The following TMTC2 variants were observed in gnomAD, a reference collection of about 807,000 sequenced individuals.
TMTC2 encodes transmembrane O-mannosyltransferase targeting cadherins 2.
In TMTC2, 43 loss-of-function variants were observed where a neutral mutation model predicts 82.4. The ratio of observed to expected loss-of-function variants is 0.52; its 90% CI spans 0.41 to 0.67. The LOEUF (loss-of-function observed/expected upper bound fraction) is 0.67, where lower values mean the gene tolerates loss of function less well. TMTC2 is among the 30% of genes least tolerant of loss of function. The pLI, the probability that TMTC2 is intolerant of heterozygous loss-of-function variation, is 0.00. For missense variants in TMTC2, 919 were observed against 1,012.4 expected, an observed-to-expected ratio of 0.91 and a Z score of 1.25; for synonymous variants, 408 against 381.9, an observed-to-expected ratio of 1.07 and a Z score of -0.80.
intron 9 of TMTC2, among the ~76,000 whole-genome samples, chr12:83,039,968 G>A (rs900471161): frequency 6.6e-6 from 1 of 152,212 alleles, no homozygotes; most frequent in Non-Finnish European, 1.5e-5. Flanking sequence ...AAAATAAAGA[G>A]CTTGGCATCA....
At chr12:82,821,894 A>T (rs900589537) in intron 1 of TMTC2, among the ~76,000 whole-genome samples, 2 of 151,792 alleles carry the variant, frequency 1.3e-5, no homozygotes, top group African/African-American at 2.4e-5. Context: ...GTCTCAAAAA[A>T]AAAAAAAAAA....
At chr12:83,115,651 T>A (rs867957808) in intron 11 of TMTC2, among the ~76,000 whole-genome samples, 31 of 151,972 alleles carry the variant, frequency 2.0e-4, no homozygotes, top group African/African-American at 7.0e-4. Flanking sequence ...TTTATTATTT[T>A]TTTTTTTATT....
intron 8 of TMTC2, among the ~76,000 whole-genome samples, chr12:83,017,350 T>C (rs1380830745): frequency 2.6e-5 from 4 of 152,132 alleles, no homozygotes; most frequent in Non-Finnish European, 4.4e-5. Context: ...TATAAATACA[T>C]TGAAACAGTG....
intron 1 of TMTC2, among the ~76,000 whole-genome samples, chr12:82,794,878 G>A (rs571463878): frequency 6.6e-6 from 1 of 152,254 alleles, no homozygotes; most frequent in South Asian, 2.1e-4. Flanking sequence ...TCTCTGCCTT[G>A]TAATAACCAC....
intron 2 of TMTC2, among the ~76,000 whole-genome samples, chr12:82,859,890 C>G (rs1172579229): frequency 1.3e-5 from 2 of 152,150 alleles, no homozygotes; most frequent in East Asian, 1.9e-4. Flanking sequence ...GCTATTCTAT[C>G]GTAGCTCTTT....
rs770512871 is a variant in TMTC2 at position 83,050,980 on chromosome 12, A to G, written c.2229A>G (p.Thr743=). Residue 743 remains threonine, a synonymous_variant, in exon 10 of 12, where the codon ACA becomes ACG. Coordinates refer to ENST00000321196, the MANE Select transcript of TMTC2 (RefSeq NM_152588.3). ...AAAAAGCAGCTGAACTAGACAGCAC[A>G]GAGTTTGATGTTGTCTTCAATGCTG... is the stretch of plus-strand genomic sequence containing the variant. ...MAKKAAELDS[T]EFDVVFNAAH... is the part of the protein sequence containing the mutation. The G allele has an allele frequency of 1.2e-5, 19 of 1,612,714 alleles. No individual in the cohort carries two copies. Among genetic ancestry groups the G allele is most frequent in the Admixed American group, 1.0e-4 (6 of 59,896 alleles).
In TMTC2 at chr12:82,773,620, C is replaced by T. The variant is rs531368602; in HGVS notation, c.84-83390C>T. Among the ~76,000 whole-genome samples, 18 of 152,022 alleles carry T rather than the reference C, an allele frequency of 1.2e-4. 2 individuals carry two copies. The South Asian group carries it at 3.7e-3, about 32-fold the overall frequency. Reference sequence around the variant, plus strand: ...GGATTACAGGCGTGTGCCACCAGGCCCAGCTAGTTGTTGTATTTTTAGTAG... The same window carrying T: ...GGATTACAGGCGTGTGCCACCAGGCTCAGCTAGTTGTTGTATTTTTAGTAG... On this transcript the variant is annotated intron_variant, in intron 1 of 11. Transcript: ENST00000321196.
chr12:82,989,880 A>T (rs1294372825), intron 8 of TMTC2, among the ~76,000 whole-genome samples: 1 of 151,850 alleles, frequency 6.6e-6, no homozygotes, highest in African/African-American at 2.4e-5. Flanking sequence ...CGACTTGCTG[A>T]TTAGATGAAA....
At chr12:82,831,890 C>T (rs1323704204) in intron 1 of TMTC2, among the ~76,000 whole-genome samples, 1 of 152,104 alleles carries the variant, frequency 6.6e-6, no homozygotes, top group Non-Finnish European at 1.5e-5. Flanking sequence ...CCTTCAGGAT[C>T]GTACGAAGAA....
chr12:82,833,637 A>T (rs140530108), intron 1 of TMTC2, among the ~76,000 whole-genome samples: 14 of 152,366 alleles, frequency 9.2e-5, no homozygotes, highest in African/African-American at 3.4e-4. Flanking sequence ...CCAAATATAC[A>T]GCTGTTAATC....
chr12:83,121,067 T>C (rs780686795), intron 11 of TMTC2, among the ~76,000 whole-genome samples: 53 of 152,176 alleles, frequency 3.5e-4, no homozygotes, highest in Admixed American at 7.9e-4. Context: ...TGTATCATTT[T>C]TGTTAATTTC....
intron 2 of TMTC2, among the ~76,000 whole-genome samples, chr12:82,878,238 T>C (rs538269802): frequency 2.9e-4 from 44 of 152,174 alleles, no homozygotes; most frequent in Non-Finnish European, 4.1e-4. Flanking sequence ...CTTTCAGAGC[T>C]GGTATTCTTG....
chr12:82,872,548 T>C (rs1243445899), intron 2 of TMTC2, among the ~76,000 whole-genome samples: 2 of 152,210 alleles, frequency 1.3e-5, no homozygotes, highest in East Asian at 3.8e-4. Context: ...CAGGAAAATA[T>C]TTCCCGCATT....
chr12:83,080,556 G>A (rs1005256057), intron 11 of TMTC2, among the ~76,000 whole-genome samples: 1 of 152,114 alleles, frequency 6.6e-6, no homozygotes, highest in Non-Finnish European at 1.5e-5. Flanking sequence ...TTTTATAGAT[G>A]GAGAAACAGG....
In TMTC2 at chr12:82,857,072, A is replaced by G. The variant is rs893294538; in HGVS notation, c.146A>G (p.Asn49Ser). ...PETPWTHIFY[N>S]DFWGTLLTHS... Reference sequence around the variant, plus strand: ...ACTCCATGGACGCACATTTTCTACAATGATTTTTGGGGGACTCTTCTAACC... The same window carrying G: ...ACTCCATGGACGCACATTTTCTACAGTGATTTTTGGGGGACTCTTCTAACC... Residue 49 changes from asparagine to serine, a missense_variant, in exon 2 of 12, where the codon AAT (asparagine) becomes AGT (serine). Transcript: ENST00000321196. 63 of 1,613,500 alleles carry G rather than the reference A, an allele frequency of 3.9e-5. No homozygotes were observed. Among genetic ancestry groups the G allele is most frequent in the Non-Finnish European group, 5.0e-5 (59 of 1,180,028 alleles).
intron 3 of TMTC2, among the ~76,000 whole-genome samples, chr12:82,927,894 C>G (rs1188095631): frequency 6.6e-6 from 1 of 152,064 alleles, no homozygotes; most frequent in Non-Finnish European, 1.5e-5. Flanking sequence ...TATTAGACAA[C>G]ATTATTGTGT....
chr12:82,857,091 T>C lies in TMTC2; in HGVS notation c.165T>C (p.Leu55=), dbSNP rs1489259303. The C allele has an allele frequency of 1.1e-5, 18 of 1,613,844 alleles. No homozygotes were observed. Among genetic ancestry groups the C allele is most frequent in the Non-Finnish European group, 9.3e-6 (11 of 1,180,026 alleles). ...TCTACAATGATTTTTGGGGGACTCT[T>C]CTAACCCACAGTGGCAGCCACAAGT... The part of the protein sequence containing the change: ...HIFYNDFWGT[L]LTHSGSHKSY... The change falls in exon 2 of 12, where the codon CTT becomes CTC. Residue 55 remains leucine, a synonymous_variant. Transcript: ENST00000321196.
intron 11 of TMTC2, among the ~76,000 whole-genome samples, chr12:83,077,674 A>C (rs1023085828): frequency 1.3e-5 from 2 of 151,870 alleles, no homozygotes; most frequent in African/African-American, 4.8e-5. Context: ...TCCCGAGTTC[A>C]AGCGATTCTC....
chr12:83,003,337 A>C lies in TMTC2; in HGVS notation c.2070+17291A>C, dbSNP rs57263199. On this transcript the variant is annotated intron_variant, in intron 8 of 11. Transcript: ENST00000321196. ...GATACCTGTGAAACAGATCTCTTGAAAACAGCAATTGGGTCTTGATTTTTT... is the reference window on the plus strand; with the variant it reads ...GATACCTGTGAAACAGATCTCTTGACAACAGCAATTGGGTCTTGATTTTTT... Among the ~76,000 whole-genome samples the C allele has an allele frequency of 9.7e-3, 1,474 of 152,198 alleles. 21 individuals are homozygous for C. Among genetic ancestry groups the C allele is most frequent in the African/African-American group, 0.034 (1,415 of 41,530 alleles).
Sources: gnomAD v4.1 joint callset for allele counts (sites outside exome capture counted in the v4.1 genomes callset) on GRCh38, gnomAD v4.1.1 for gene constraint, MANE v1.5 for transcripts, NCBI Gene and HGNC (gene_info 2026-07-23, HGNC 2026-07-21) for gene names.